The following ARAP2 variants were observed in gnomAD, a reference collection of about 807,000 sequenced individuals.
ARAP2 encodes the protein ArfGAP with RhoGAP domain, ankyrin repeat and PH domain 2, also known as arf-GAP with Rho-GAP domain, ANK repeat and PH domain-containing protein 2.
A neutral mutation model predicts 194.5 loss-of-function variants in ARAP2; 148 were observed. The ratio of observed to expected loss-of-function variants is 0.76; its 90% CI spans 0.67 to 0.87. ARAP2 has a LOEUF of 0.87. Among genes scored for constraint, ARAP2 ranks in the 40% least tolerant of loss-of-function variants. ARAP2 has a pLI of 0.00. For synonymous variants in ARAP2, 695 were observed against 683.5 expected, an observed-to-expected ratio of 1.02 and a Z score of -0.26; for missense variants, 2,128 against 1,989.7, an observed-to-expected ratio of 1.07 and a Z score of -1.32.
chr4:36,170,340 C>T (rs1035326803), intron 9 of ARAP2, among the ~76,000 whole-genome samples: 3 of 152,214 alleles, frequency 2.0e-5, no homozygotes, highest in Non-Finnish European at 4.4e-5. Flanking sequence ...TTAATCCCAA[C>T]ACTTTGGGAG....
chr4:36,181,651 T>C (rs1359335900), intron 8 of ARAP2, among the ~76,000 whole-genome samples: 1 of 152,218 alleles, frequency 6.6e-6, no homozygotes, highest in East Asian at 1.9e-4. Flanking sequence ...GTAGTGCACA[T>C]AAGTGTTGTT....
intron 2 of ARAP2, among the ~76,000 whole-genome samples, chr4:36,052,698 C>T (rs1722866350): frequency 6.6e-6 from 1 of 152,250 alleles, no homozygotes; most frequent in Admixed American, 6.5e-5. Context: ...GGCTCGGAGG[C>T]TCACGCCTGT....
chr4:36,137,742 T>C (rs919300325), intron 19 of ARAP2, among the ~76,000 whole-genome samples: 1 of 151,782 alleles, frequency 6.6e-6, no homozygotes, highest in Non-Finnish European at 1.5e-5. Context: ...TACTCAGTAC[T>C]AGCCTAGTTC....
Position 36,068,263 on chromosome 4 carries a change from G to T in ARAP2, c.4759C>A (p.Leu1587Ile). ...RKNIESARAE[L>I]ERLRLSEKCD... ...TTTTCACTGAGCCGCAGCCTTTCAA[G>T]TTCTGCTCTTGCACTCTAAAAATAA... is the stretch of plus-strand genomic sequence containing the variant. The change falls in exon 33 of 33, where the codon CTT becomes ATT. Residue 1587 changes from leucine (L) to isoleucine (I), a missense_variant. Transcript: ENST00000303965. 6.4e-7 allele frequency: 1 copy of T among 1,554,750 alleles called. No individual in the cohort carries two copies. Among genetic ancestry groups the T allele is most frequent in the East Asian group, 2.3e-5 (1 of 44,260 alleles).
chr4:36,189,314 G>C (rs1408662176), intron 7 of ARAP2, among the ~76,000 whole-genome samples: 1 of 151,956 alleles, frequency 6.6e-6, no homozygotes, highest in Non-Finnish European at 1.5e-5. Flanking sequence ...GTGATGTCAT[G>C]ATACATAGTG....
chr4:36,229,350 A>G lies in ARAP2; in HGVS notation c.137T>C (p.Leu46Pro), dbSNP rs1485380620. ...KDCAAINDSL[L>P]QKIGISPTGH... ...TGTAGGTGATATTCCAATTTTCTGC[A>G]GCAGGCTGTCATTTATTGCTGCACA... The change falls in exon 2 of 33, where the codon CTG becomes CCG. Residue 46 changes from leucine (L) to proline (P), a missense_variant. Leu to Pro is a moderately conservative substitution (Grantham distance 98). Coordinates refer to ENST00000303965, the MANE Select transcript of ARAP2 (RefSeq NM_015230.4). The G allele has an allele frequency of 6.2e-7, 1 of 1,614,018 alleles. No homozygotes were observed. The highest frequency in any genetic ancestry group is 8.5e-7 in the Non-Finnish European group (1 of 1,180,002).
intron 7 of ARAP2, among the ~76,000 whole-genome samples, chr4:36,193,360 A>T (rs1281253709): frequency 6.6e-6 from 1 of 152,242 alleles, no homozygotes; most frequent in East Asian, 1.9e-4. Context: ...GCATGTGGTT[A>T]AATCTTAAAA....
At chr4:36,211,229 T>C (rs895577845) in intron 5 of ARAP2, among the ~76,000 whole-genome samples, 1 of 152,188 alleles carries the variant, frequency 6.6e-6, no homozygotes, top group African/African-American at 2.4e-5. Flanking sequence ...ACAGAGAGTA[T>C]GCCTGACTGC....
chr4:36,215,059 T>C (rs1016443968), intron 2 of ARAP2, among the ~76,000 whole-genome samples: 7 of 152,166 alleles, frequency 4.6e-5, no homozygotes, highest in Admixed American at 2.6e-4. Context: ...GAGGTAAACA[T>C]TGTAGAAGCA....
At chr4:36,232,104 T>C (rs1294251865) in intron 1 of ARAP2, among the ~76,000 whole-genome samples, 1 of 152,166 alleles carries the variant, frequency 6.6e-6, no homozygotes. Flanking sequence ...AGCTGGCAAA[T>C]GGATCTTGGA....
chr4:36,131,559 TTATAA>T (rs1016445739), intron 20 of ARAP2, among the ~76,000 whole-genome samples: 4 of 151,762 alleles, frequency 2.6e-5, no homozygotes, highest in South Asian at 2.1e-4. Context: ...TATAAAGTTG[TTATAA>T]TATATGAGTT....
At chr4:36,050,771 A>C (rs906068389) in intron 3 of ARAP2, among the ~76,000 whole-genome samples, 1 of 152,194 alleles carries the variant, frequency 6.6e-6, no homozygotes, top group Non-Finnish European at 1.5e-5. Context: ...TGTTTGTTCA[A>C]ATCTTCTAGC....
Position 36,117,077 on chromosome 4 carries a change from C to T in ARAP2, c.4022G>A (p.Cys1341Tyr). ...AGAACTTACCCGAATTATAATACTA[C>T]AGTCGGGTTCCTTCCTTTCTACATA... Reference protein sequence around the residue: ...EVYVERKEPDCSIIIRISPVM... With the variant: ...EVYVERKEPDYSIIIRISPVM... The change falls in exon 25 of 33, where the codon TGT becomes TAT. Residue 1341 changes from cysteine to tyrosine, a missense_variant. Transcript: ENST00000303965. 6.3e-7 allele frequency: 1 copy of T among 1,596,196 alleles called. No homozygotes were observed. The highest frequency in any genetic ancestry group is 8.5e-7 in the Non-Finnish European group (1 of 1,171,964).
At chr4:36,106,868 A>G (rs931793807) in intron 27 of ARAP2, among the ~76,000 whole-genome samples, 5 of 151,992 alleles carry the variant, frequency 3.3e-5, no homozygotes, top group African/African-American at 1.2e-4. Flanking sequence ...TCATAAAAGT[A>G]ATCATAAATT....
intron 7 of ARAP2, among the ~76,000 whole-genome samples, chr4:36,191,358 T>C (rs977771907): frequency 1.3e-5 from 2 of 152,034 alleles, no homozygotes; most frequent in African/African-American, 4.8e-5. Context: ...CCTTAAAAAA[T>C]AACCTACACA....
At chr4:36,164,246 C>T (rs1419701260) in intron 11 of ARAP2, among the ~76,000 whole-genome samples, 3 of 152,004 alleles carry the variant, frequency 2.0e-5, no homozygotes, top group Non-Finnish European at 4.4e-5. Flanking sequence ...TGGTGGGACA[C>T]AGGCAGTCCA....
chr4:36,221,614 G>GA (rs1225618460), intron 2 of ARAP2, among the ~76,000 whole-genome samples: 2 of 151,946 alleles, frequency 1.3e-5, no homozygotes, highest in East Asian at 3.9e-4. Context: ...AAAATGTGAA[G>GA]AAAAAAGTTT....
At chr4:36,072,667 C>A (rs202149076) in intron 32 of ARAP2, among the ~76,000 whole-genome samples, 253 of 128,190 alleles carry the variant, frequency 2.0e-3, no homozygotes, top group South Asian at 3.1e-3. Context: ...TAAAAAAAAA[C>A]AAAAAAAAAA....
At position 36,133,245 on chromosome 4, in the gene ARAP2, T is replaced by C; in HGVS notation, c.3408A>G (p.Ile1136Met). 6.2e-7 allele frequency: 1 copy of C among 1,610,852 alleles called. No individual in the cohort carries two copies. Among genetic ancestry groups the C allele is most frequent in the Non-Finnish European group, 8.5e-7 (1 of 1,177,978 alleles). ...ACTTACCATACTGTGTAACAAATGC[T>C]ATACAGCTGTTCACTATAATGGGAA... Reference protein sequence around the residue: ...NDVPIIVNSCIAFVTQYGLGC... With the variant: ...NDVPIIVNSCMAFVTQYGLGC... The change falls in exon 20 of 33, where the codon ATA becomes ATG. Residue 1136 changes from isoleucine (I) to methionine (M), a missense_variant. Coordinates refer to ENST00000303965, the MANE Select transcript of ARAP2 (RefSeq NM_015230.4).
Sources: gnomAD v4.1 joint callset for allele counts (sites outside exome capture counted in the v4.1 genomes callset) on GRCh38, gnomAD v4.1.1 for gene constraint, MANE v1.5 for transcripts, NCBI Gene and HGNC (gene_info 2026-07-23, HGNC 2026-07-21) for gene names.